Variants in TBX5 observed in about 807,000 individuals in gnomAD.
The protein encoded by TBX5 is T-box transcription factor TBX5.
Under a neutral mutation model 51.1 loss-of-function variants are expected in TBX5, and 8 were observed. That is an observed-to-expected ratio of 0.16 (90% CI 0.09 to 0.28). The LOEUF (loss-of-function observed/expected upper bound fraction) is 0.28. Ranked by LOEUF, TBX5 falls within the 10% of genes least tolerant of loss-of-function variation. TBX5 has a pLI of 1.00. For synonymous variants in TBX5, 302 were observed against 266.4 expected (o/e 1.13, Z -1.30); for missense variants, 589 against 671.7 (o/e 0.88, Z 1.36).
chr12:114,376,562 C>G (rs1039626602), intron 7 of TBX5, among the ~76,000 whole-genome samples: 1 of 151,836 alleles, frequency 6.6e-6, no homozygotes, highest in African/African-American at 2.4e-5. Flanking sequence ...GGCATAATTC[C>G]TGGAGAGCTA....
At chr12:114,406,486 C>T (rs1468838464), upstream of TBX5, among the ~76,000 whole-genome samples, 1 of 152,152 alleles carries the variant, frequency 6.6e-6, no homozygotes, top group Admixed American at 6.5e-5. Flanking sequence ...CACCGCGGGC[C>T]TCCGCAGCCT....
At position 114,355,029 on chromosome 12, in the gene TBX5, AAT is replaced by A. The variant is rs1868795303; in HGVS notation, c.*501_*502del. 1 of 166,088 alleles carries A rather than the reference AAT, an allele frequency of 6.0e-6. No homozygotes were observed. The highest frequency in any genetic ancestry group is 2.4e-5 in the African/African-American group (1 of 41,564). 10.3% of individuals were successfully genotyped at this position (166,088 alleles called of 1,614,324 possible). On this transcript the variant is annotated 3_prime_UTR_variant, in exon 9 of 9. Coordinates refer to ENST00000405440, the MANE Select transcript of TBX5 (RefSeq NM_181486.4). ...GGAATCCCGCAAGTACATATTTTGA[AAT>A]ATACTTGCCTCAGACCTCCCCCCAA... is the stretch of plus-strand genomic sequence containing the variant.
At position 114,356,246 on chromosome 12, in the gene TBX5, A is replaced by G. The variant is rs1221946399; in HGVS notation, c.983-140T>C. On this transcript the variant is annotated intron_variant, in intron 8 of 8. Coordinates refer to ENST00000405440, the MANE Select transcript of TBX5 (RefSeq NM_181486.4). The stretch of plus-strand genomic sequence containing the variant: ...TAACCGCCATTCTGAATACAAAAAA[A>G]GGGGGTTGGATTGTAATGGTTAAGA... 54 of 854,502 alleles carry G rather than the reference A, an allele frequency of 6.3e-5. No homozygotes were observed. In the Admixed American group the frequency reaches 1.1e-3, roughly 17 times the overall value. 52.9% of individuals were successfully genotyped at this position (854,502 alleles called of 1,614,324 possible).
At chr12:114,371,037 T>C (rs893019502) in intron 7 of TBX5, among the ~76,000 whole-genome samples, 2 of 152,276 alleles carry the variant, frequency 1.3e-5, no homozygotes, top group Middle Eastern at 3.4e-3. Context: ...AACTAATGCT[T>C]AATAATAAGC....
intron 7 of TBX5, among the ~76,000 whole-genome samples, chr12:114,368,899 A>T (rs966415149): frequency 1.1e-4 from 16 of 152,160 alleles, no homozygotes; most frequent in Admixed American, 1.0e-3. Context: ...AGCTGGAGCC[A>T]TCCGAGCAGC....
intron 6 of TBX5, among the ~76,000 whole-genome samples, chr12:114,390,727 T>C (rs1408691908): frequency 6.6e-6 from 1 of 152,188 alleles, no homozygotes; most frequent in African/African-American, 2.4e-5. Flanking sequence ...GGGATAGACA[T>C]TGCTTGCATA....
chr12:114,375,964 G>T (rs1409026345), intron 7 of TBX5, among the ~76,000 whole-genome samples: 2 of 152,110 alleles, frequency 1.3e-5, no homozygotes, highest in Non-Finnish European at 2.9e-5. Context: ...AGGATTGCTT[G>T]AACCCAGGAA....
At chr12:114,385,620 A>C in intron 6 of TBX5, 53 bp from the exon 7 acceptor site, 1 of 1,423,252 alleles carries the variant, frequency 7.0e-7, no homozygotes, top group Non-Finnish European at 9.9e-7. Flanking sequence ...TTGCTGCAAG[A>C]CCACCTCAGG....
chr12:114,388,180 C>T (rs954993175), intron 6 of TBX5, among the ~76,000 whole-genome samples: 20 of 151,726 alleles, frequency 1.3e-4, no homozygotes, highest in Non-Finnish European at 1.9e-4. Context: ...TTTTTTGAGA[C>T]GGAGTCTCAC....
intron 7 of TBX5, among the ~76,000 whole-genome samples, chr12:114,376,386 C>T (rs985743051): frequency 3.9e-5 from 6 of 152,056 alleles, no homozygotes; most frequent in Admixed American, 1.3e-4. Context: ...TGAAACAAGC[C>T]GGACACAGAA....
intron 7 of TBX5, among the ~76,000 whole-genome samples, chr12:114,383,342 G>A (rs949913784): frequency 3.3e-5 from 5 of 152,138 alleles, no homozygotes; most frequent in East Asian, 1.9e-4. Context: ...ATGTGTGTTC[G>A]AAGGGCCAAA....
At chr12:114,377,732 A>G (rs1191069269) in intron 7 of TBX5, among the ~76,000 whole-genome samples, 1 of 151,538 alleles carries the variant, frequency 6.6e-6, no homozygotes, top group Non-Finnish European at 1.5e-5. Flanking sequence ...TTTTTTCTCT[A>G]TTCATATATT....
At chr12:114,380,330 G>C (rs1174447346) in intron 7 of TBX5, among the ~76,000 whole-genome samples, 1 of 152,170 alleles carries the variant, frequency 6.6e-6, no homozygotes, top group African/African-American at 2.4e-5. Flanking sequence ...TTTCTTTGTA[G>C]GTGGTTGAGC....
chr12:114,403,275 A>AGGAGGAGGCAGGAGGAGGCG (rs1565943014), intron 2 of TBX5, among the ~76,000 whole-genome samples: 1 of 147,742 alleles, frequency 6.8e-6, no homozygotes, highest in Non-Finnish European at 1.5e-5. Flanking sequence ...CGGAGGAGGC[A>AGGAGGAGGCAGGAGGAGGCG]GGAGGAGGCA....
intron 7 of TBX5, among the ~76,000 whole-genome samples, chr12:114,372,981 TAC>T (rs56137685): frequency 0.12 from 16,623 of 142,710 alleles, 1,001 homozygotes; most frequent in African/African-American, 0.16. Context: ...TATATATACA[TAC>T]ACACACACAC....
At chr12:114,397,651 C>T (rs1871509393) in intron 5 of TBX5, among the ~76,000 whole-genome samples, 1 of 152,110 alleles carries the variant, frequency 6.6e-6, no homozygotes, top group African/African-American at 2.4e-5. Flanking sequence ...CATTCAATAC[C>T]CTGCATTCAG....
At chr12:114,369,099 T>C (rs1869717111) in intron 7 of TBX5, among the ~76,000 whole-genome samples, 1 of 152,210 alleles carries the variant, frequency 6.6e-6, no homozygotes, top group Non-Finnish European at 1.5e-5. Context: ...TTTAGATCTA[T>C]TTAGTTCCAA....
chr12:114,406,916 C>T (rs1163397463), upstream of TBX5: 2 of 339,236 alleles, frequency 5.9e-6, no homozygotes, highest in Non-Finnish European at 8.4e-6. Flanking sequence ...AGGTCTCAGT[C>T]TGAGCAGACC....
intron 8 of TBX5, among the ~76,000 whole-genome samples, chr12:114,359,359 G>C (rs1342780429): frequency 2.0e-5 from 3 of 152,142 alleles, no homozygotes; most frequent in Non-Finnish European, 4.4e-5. Context: ...TTATGGCTCA[G>C]TTTCTTTCTT....
Sources: gnomAD v4.1 joint callset for allele counts (sites outside exome capture counted in the v4.1 genomes callset) on GRCh38, gnomAD v4.1.1 for gene constraint, MANE v1.5 for transcripts, NCBI Gene and HGNC (gene_info 2026-07-23, HGNC 2026-07-21) for gene names.